The following DIAPH2 variants were observed in gnomAD, a reference collection of about 807,000 sequenced individuals.
DIAPH2 encodes protein diaphanous homolog 2.
Under a neutral mutation model 92.7 loss-of-function variants are expected in DIAPH2, and 35 were observed. That is an observed-to-expected ratio of 0.38 (90% CI 0.29 to 0.50). The LOEUF is 0.50. Among genes scored for constraint, DIAPH2 ranks in the 20% least tolerant of loss-of-function variants. DIAPH2 has a pLI of 0.94. For synonymous variants in DIAPH2, 301 were observed against 280.4 expected (o/e 1.07, Z -0.73); for missense variants, 701 against 819.5 (o/e 0.86, Z 1.77).
chrX:97,146,613 A>T (rs1323050663), intron 22 of DIAPH2, among the ~76,000 whole-genome samples: 2 of 111,296 alleles, frequency 1.8e-5, no homozygotes, highest in Non-Finnish European at 3.8e-5. Context: ...AGGCAAACAA[A>T]AAGAAAGAAG....
intron 22 of DIAPH2, among the ~76,000 whole-genome samples, chrX:97,181,673 G>A (rs935286903): frequency 1.8e-5 from 2 of 112,514 alleles, no homozygotes; most frequent in Non-Finnish European, 3.8e-5. Flanking sequence ...GCCTCCCAAA[G>A]TGCTGGGATT....
At chrX:97,281,637 G>A (rs369716590) in intron 23 of DIAPH2, among the ~76,000 whole-genome samples, 3 of 109,507 alleles carry the variant, frequency 2.7e-5, no homozygotes, top group Non-Finnish European at 3.8e-5. Flanking sequence ...CCAGCTACTC[G>A]GGAGGCTGAG....
intron 23 of DIAPH2, among the ~76,000 whole-genome samples, chrX:97,309,112 T>A (rs778990623): frequency 1.6e-3 from 174 of 110,301 alleles, no homozygotes; most frequent in African/African-American, 4.8e-3. Flanking sequence ...TTATTTATTT[T>A]TTTTTTGAGA....
At chrX:97,580,167 T>C (rs1267266090) in intron 26 of DIAPH2, among the ~76,000 whole-genome samples, 1 of 106,481 alleles carries the variant, frequency 9.4e-6, no homozygotes, top group East Asian at 3.0e-4. Flanking sequence ...TATTTCCTTC[T>C]CCTGCCTAAT....
intron 24 of DIAPH2, among the ~76,000 whole-genome samples, chrX:97,368,353 C>G (rs777485086): frequency 8.9e-6 from 1 of 111,768 alleles, no homozygotes; most frequent in African/African-American, 3.2e-5. Flanking sequence ...CATGGTTTGG[C>G]ATTTCCCAAA....
chrX:97,216,197 A>G (rs1199959489), intron 22 of DIAPH2, among the ~76,000 whole-genome samples: 1 of 112,371 alleles, frequency 8.9e-6, no homozygotes, highest in Non-Finnish European at 1.9e-5. Flanking sequence ...CTTCTGTGGG[A>G]AACATCTTTT....
At chrX:97,298,234 G>GTT (rs753905645) in intron 23 of DIAPH2, among the ~76,000 whole-genome samples, 1,751 of 88,505 alleles carry the variant, frequency 0.02, 41 homozygotes, top group African/African-American at 0.056. Context: ...AGTTTTTCAG[G>GTT]TTTTTTTTTT....
At chrX:97,431,791 G>T (rs1246905242) in intron 26 of DIAPH2, 3 of 112,181 alleles carry the variant, frequency 2.7e-5, no homozygotes, top group Non-Finnish European at 5.6e-5. Context: ...AAGTGAGGGA[G>T]TGGGGACAGA....
intron 17 of DIAPH2, among the ~76,000 whole-genome samples, chrX:97,042,198 G>A (rs1189352203): frequency 8.9e-6 from 1 of 111,858 alleles, no homozygotes; most frequent in Non-Finnish European, 1.9e-5. Context: ...AAGAGACCAA[G>A]TTGAAGTTCT....
At chrX:96,941,057 C>A (rs1313155661) in intron 12 of DIAPH2, among the ~76,000 whole-genome samples, 1 of 111,375 alleles carries the variant, frequency 9.0e-6, no homozygotes, top group African/African-American at 3.3e-5. Flanking sequence ...TTGAAAAAAA[C>A]CAGATTTGTA....
At chrX:97,129,192 TG>T (rs1449744500) in intron 21 of DIAPH2, among the ~76,000 whole-genome samples, 1 of 106,147 alleles carries the variant, frequency 9.4e-6, no homozygotes, top group Admixed American at 1.0e-4. Context: ...TCCTCTTTCT[TG>T]TCTTGCTCTG....
rs113199689 is a variant in DIAPH2 at position 97,129,146 on chromosome X, C to CTTTTCTTTTCTTTTCTTTCT, written c.2590-12516_2590-12515insTCTTTTCTTTTCTTTCTTTT. On this transcript the variant is annotated intron_variant, in intron 21 of 26. Coordinates refer to ENST00000324765, the MANE Select transcript of DIAPH2 (RefSeq NM_006729.5). ...CTTTTCTTTTCTTTTCTTTTCTTTT[C>CTTTTCTTTTCTTTTCTTTCT]TTTCTTTTCTTTTCTTTTCTTTCTT... is the stretch of plus-strand genomic sequence containing the variant. Among the ~76,000 whole-genome samples the CTTTTCTTTTCTTTTCTTTCT allele has an allele frequency of 9.0e-4, 33 of 36,569 alleles. 5 individuals are homozygous for CTTTTCTTTTCTTTTCTTTCT. Among genetic ancestry groups the CTTTTCTTTTCTTTTCTTTCT allele is most frequent in the East Asian group, 4.9e-3 (6 of 1,220 alleles). The allele number at this position is 36,569 out of a possible 115,157, so 31.8% of individuals were successfully genotyped here. A position where few individuals can be genotyped will look rare whatever the true frequency, so the allele number is the denominator to read the frequency against.
intron 22 of DIAPH2, among the ~76,000 whole-genome samples, chrX:97,142,867 A>C (rs1482898981): frequency 8.9e-6 from 1 of 111,756 alleles, no homozygotes; most frequent in African/African-American, 3.3e-5. Context: ...ATTACAAACC[A>C]TATAAACCTG....
chrX:97,314,843 G>A (rs191534735), intron 23 of DIAPH2, among the ~76,000 whole-genome samples: 4 of 112,022 alleles, frequency 3.6e-5, no homozygotes, highest in Non-Finnish European at 5.6e-5. Flanking sequence ...TTGTGTATGA[G>A]CATAAATAGT....
chrX:96,908,395 T>C (rs1401288666), intron 5 of DIAPH2, among the ~76,000 whole-genome samples: 6 of 110,809 alleles, frequency 5.4e-5, no homozygotes, highest in African/African-American at 2.0e-4. Flanking sequence ...CCATGAGAAA[T>C]GTCAGTTTCT....
intron 1 of DIAPH2, among the ~76,000 whole-genome samples, chrX:96,699,775 T>C (rs1383128470): frequency 3.6e-5 from 4 of 111,659 alleles, no homozygotes; most frequent in African/African-American, 1.3e-4. Context: ...TTCCCGCCAA[T>C]TTTATTTGCA....
intron 23 of DIAPH2, among the ~76,000 whole-genome samples, chrX:97,299,864 A>C (rs762140224): frequency 8.9e-6 from 1 of 112,305 alleles, no homozygotes; most frequent in Admixed American, 9.5e-5. Flanking sequence ...TATGTCATAT[A>C]TTTAAAATGC....
chrX:96,904,135 G>GATGGA (rs1279512631), intron 5 of DIAPH2, among the ~76,000 whole-genome samples: 2 of 111,826 alleles, frequency 1.8e-5, no homozygotes, highest in African/African-American at 6.5e-5. Context: ...CAGAGAGAAA[G>GATGGA]ATGGAATGTC....
intron 4 of DIAPH2, among the ~76,000 whole-genome samples, chrX:96,837,324 T>C (rs948399318): frequency 9.1e-6 from 1 of 109,801 alleles, no homozygotes; most frequent in Non-Finnish European, 1.9e-5. Context: ...TAATAAGATA[T>C]AAACTCGCTG....
Sources: gnomAD v4.1 joint callset for allele counts (sites outside exome capture counted in the v4.1 genomes callset) on GRCh38, gnomAD v4.1.1 for gene constraint, MANE v1.5 for transcripts, NCBI Gene and HGNC (gene_info 2026-07-23, HGNC 2026-07-21) for gene names.